KIAA1671: variants seen among roughly 807,000 people sequenced by gnomAD.
KIAA1671 encodes the protein KIAA1671.
KIAA1671 carries 52 observed loss-of-function variants against 131.2 expected under a neutral mutation model. That is an observed-to-expected ratio of 0.40 (90% confidence interval 0.32 to 0.50). KIAA1671 has a LOEUF of 0.50. KIAA1671 is among the 20% of genes least tolerant of loss of function. The pLI is 0.73. For synonymous variants in KIAA1671, 1,003 were observed against 961.6 expected (o/e 1.04, Z -0.80); for missense variants, 2,360 against 2,364.2 (o/e 1.00, Z 0.04).
At chr22:25,180,330 G>C (rs184615723) in intron 9 of KIAA1671, among the ~76,000 whole-genome samples, 2 of 152,214 alleles carry the variant, frequency 1.3e-5, no homozygotes, top group Non-Finnish European at 2.9e-5. Context: ...CACGAGGTCA[G>C]AAGATTGAGA....
Position 25,040,341 on chromosome 22 carries a change from T to C in KIAA1671, c.3211T>C (p.Leu1071=). ...PSSPHSLTST[L]VSLGHEEALE... ...GTCTCCTCATTCTTTAACATCCACT[T>C]TGGTTTCTCTTGGTCATGAAGAGGC... Residue 1071 remains leucine (L), a synonymous_variant, in exon 5 of 13, where the codon TTG becomes CTG. Transcript: ENST00000358431. The C allele has an allele frequency of 6.4e-7, 1 of 1,551,764 alleles. No homozygotes were observed.
At chr22:25,015,390 A>AC (rs1311808647) in intron 1 of KIAA1671, among the ~76,000 whole-genome samples, 1 of 152,114 alleles carries the variant, frequency 6.6e-6, no homozygotes, top group East Asian at 1.9e-4. Context: ...AGAGAAAAAC[A>AC]CGGGGGGAAA....
At chr22:24,992,814 CAAAAAAAAAAA>C (rs761181079) in intron 1 of KIAA1671, among the ~76,000 whole-genome samples, 5 of 57,380 alleles carry the variant, frequency 8.7e-5, no homozygotes, top group East Asian at 6.3e-4. Context: ...GACTCCGTCT[CAAAAAAAAAAA>C]AAAAAAAAAA....
At chr22:24,969,435 G>A (rs1187340831) in intron 1 of KIAA1671, among the ~76,000 whole-genome samples, 1 of 151,996 alleles carries the variant, frequency 6.6e-6, no homozygotes, top group East Asian at 1.9e-4. Context: ...ACACTGTATT[G>A]TTTATGGAAT....
At chr22:24,953,451 G>A (rs1921520636) in intron 1 of KIAA1671, among the ~76,000 whole-genome samples, 1 of 152,020 alleles carries the variant, frequency 6.6e-6, no homozygotes, top group East Asian at 1.9e-4. Context: ...GGGGCCCCTC[G>A]GACGCGGAGG....
At position 25,029,208 on chromosome 22, in the gene KIAA1671, C is replaced by A; in HGVS notation, c.1209C>A (p.Pro403=). Residue 403 remains proline, a synonymous_variant, in exon 3 of 13, where the codon CCC becomes CCA. Transcript: ENST00000358431. ...AGCCAGAGAAGGCTGCTGAGTCCCC[C>A]TCACCCAGGCTGGGAAGGGGCCTAG... ...DPEPEKAAES[P]SPRLGRGLEL... 1 of 1,459,310 alleles carries A rather than the reference C, an allele frequency of 6.9e-7. No individual in the cohort carries two copies. The highest frequency in any genetic ancestry group is 2.5e-5 in the East Asian group (1 of 40,048). 90.4% of individuals were successfully genotyped at this position (1,459,310 alleles called of 1,614,324 possible).
At chr22:25,086,038 A>C (rs948024442) in intron 6 of KIAA1671, among the ~76,000 whole-genome samples, 1 of 152,218 alleles carries the variant, frequency 6.6e-6, no homozygotes, top group African/African-American at 2.4e-5. Flanking sequence ...TGAATGAATG[A>C]ATGAACCACT....
At chr22:25,024,142 A>G (rs1925813299) in intron 1 of KIAA1671, 1 of 151,918 alleles carries the variant, frequency 6.6e-6, no homozygotes, top group African/African-American at 2.4e-5. Context: ...AGGAGCGTGG[A>G]CCAAGGGACT....
intron 6 of KIAA1671, among the ~76,000 whole-genome samples, chr22:25,069,045 T>C: frequency 6.6e-6 from 1 of 152,224 alleles, no homozygotes; most frequent in South Asian, 2.1e-4. Flanking sequence ...GAGGAGCAGG[T>C]GTTGAGTAGG....
rs1933832553 is a variant in KIAA1671, at chr22:25,171,120, C to A, written c.4649+182C>A. Among the ~76,000 whole-genome samples the A allele has an allele frequency of 2.6e-5, 4 of 152,264 alleles. No homozygotes were observed. In the South Asian group the frequency reaches 6.2e-4, roughly 24 times the overall value. ...AAAAAATAATAATAAAGATTATGGG[C>A]CGGGTGCGGTGGCTCACGTCTGTAA... On this transcript the variant is annotated intron_variant, in intron 7 of 12. Coordinates refer to ENST00000358431, the MANE Select transcript of KIAA1671 (RefSeq NM_001145206.2).
At chr22:24,960,156 A>AATAAATAAATAAATAT (rs1484344586) in intron 1 of KIAA1671, among the ~76,000 whole-genome samples, 6 of 151,688 alleles carry the variant, frequency 4.0e-5, no homozygotes, top group African/African-American at 1.5e-4. Context: ...TAAATAAATA[A>AATAAATAAATAAATAT]ATAAATAAAT....
intron 3 of KIAA1671, among the ~76,000 whole-genome samples, chr22:25,030,254 AG>A (rs1926210776): frequency 6.6e-6 from 1 of 152,200 alleles, no homozygotes; most frequent in South Asian, 2.1e-4. Context: ...ATGATGTTCT[AG>A]GCCGGGCGCG....
intron 6 of KIAA1671, among the ~76,000 whole-genome samples, chr22:25,073,960 C>T (rs1453550791): frequency 6.6e-6 from 1 of 152,192 alleles, no homozygotes; most frequent in East Asian, 1.9e-4. Context: ...TCCCAAAGTG[C>T]TGGGATTACA....
Position 25,040,911 on chromosome 22 carries a change from A to C in KIAA1671, c.3781A>C (p.Lys1261Gln). Reference sequence around the variant, plus strand: ...GATGCCCGATACCGGGGGTCTCTGGAAACCGGCCAGTTCTGCCGAAATAAA... The same window carrying C: ...GATGCCCGATACCGGGGGTCTCTGGCAACCGGCCAGTTCTGCCGAAATAAA... ...KEMPDTGGLW[K>Q]PASSAEINHS... The change falls in exon 5 of 13, where the codon AAA (lysine) becomes CAA (glutamine). Residue 1261 changes from lysine (K) to glutamine (Q), a missense_variant. Transcript: ENST00000358431. 6.6e-7 allele frequency: 1 copy of C among 1,505,858 alleles called. No homozygotes were observed. Among genetic ancestry groups the C allele is most frequent in the Non-Finnish European group, 8.9e-7 (1 of 1,126,622 alleles). 93.3% of individuals were successfully genotyped at this position (1,505,858 alleles called of 1,614,324 possible).
At chr22:25,125,108 T>C (rs1455659181) in intron 6 of KIAA1671, among the ~76,000 whole-genome samples, 1 of 152,174 alleles carries the variant, frequency 6.6e-6, no homozygotes, top group Non-Finnish European at 1.5e-5. Context: ...GGGCCATCTA[T>C]AGCAGGCGCC....
Position 24,966,718 on chromosome 22 carries a change from C to T in KIAA1671, c.-208+13946C>T, listed in dbSNP as rs148841231. On this transcript the variant is annotated intron_variant, in intron 1 of 12. Coordinates refer to ENST00000358431, the MANE Select transcript of KIAA1671 (RefSeq NM_001145206.2). ...CTGTAATCTTAGTGCTTTGGGAGGC[C>T]GAGGTGGAAGGATTGCTTGAGCCCA... Among the ~76,000 whole-genome samples the T allele has an allele frequency of 7.9e-4, 120 of 152,112 alleles. No individual in the cohort carries two copies. The East Asian group carries it at 0.016, about 20-fold the overall frequency.
chr22:25,138,479 A>G (rs1932756667), intron 6 of KIAA1671, among the ~76,000 whole-genome samples: 1 of 152,206 alleles, frequency 6.6e-6, no homozygotes, highest in African/African-American at 2.4e-5. Flanking sequence ...ATCTTTATCA[A>G]TTCATTTGTA....
intron 11 of KIAA1671, among the ~76,000 whole-genome samples, chr22:25,188,781 T>C (rs1934562929): frequency 6.6e-6 from 1 of 152,228 alleles, no homozygotes; most frequent in Non-Finnish European, 1.5e-5. Context: ...GTCTTCATCC[T>C]TCATCCTTAT....
chr22:24,992,607 G>C (rs113288208), intron 1 of KIAA1671, among the ~76,000 whole-genome samples: 2 of 151,928 alleles, frequency 1.3e-5, no homozygotes, highest in South Asian at 4.2e-4. Context: ...TTGAGGTCAG[G>C]AGTTCGAGAC....
Sources: allele counts gnomAD v4.1 joint callset (sites outside exome capture counted in the v4.1 genomes callset), GRCh38; gene constraint gnomAD v4.1.1; transcripts MANE v1.5; gene names NCBI Gene and HGNC (gene_info 2026-07-23, HGNC 2026-07-21).